Variants in STAG1 observed in about 807,000 individuals in gnomAD.
The protein encoded by STAG1 is cohesin subunit SA-1.
In STAG1, 26 loss-of-function variants were observed where a neutral mutation model predicts 170.9. The ratio of observed to expected loss-of-function variants is 0.15; its 90% CI spans 0.11 to 0.21. The LOEUF (loss-of-function observed/expected upper bound fraction) is 0.21. Ranked by LOEUF, STAG1 falls within the 10% of genes least tolerant of loss-of-function variation. The pLI is 1.00. For synonymous variants in STAG1, 514 were observed against 497.7 expected (o/e 1.03, Z -0.44); for missense variants, 964 against 1,509.5 (o/e 0.64, Z 5.99).
At chr3:136,678,202 A>G (rs1284362114) in intron 1 of STAG1, among the ~76,000 whole-genome samples, 2 of 151,240 alleles carry the variant, frequency 1.3e-5, no homozygotes, top group African/African-American at 4.8e-5. Flanking sequence ...GAGTTTATAT[A>G]TAAGAACAAA....
In STAG1 at chr3:136,338,109, C is replaced by A; in HGVS notation, c.*145G>T. ...TAATTTACATGCTCCTCTTCTGTCA[C>A]TGCAAAAAGGGATTGACCTTAATCA... On this transcript the variant is annotated 3_prime_UTR_variant, in exon 34 of 34. Transcript: ENST00000383202. 1 of 619,684 alleles carries A rather than the reference C, an allele frequency of 1.6e-6. No individual in the cohort carries two copies. The highest frequency in any genetic ancestry group is 2.9e-6 in the Non-Finnish European group (1 of 346,978). 38.4% of individuals were successfully genotyped at this position (619,684 alleles called of 1,614,324 possible). A position where few individuals can be genotyped will look rare whatever the true frequency, so the allele number is the denominator to read the frequency against.
intron 1 of STAG1, among the ~76,000 whole-genome samples, chr3:136,738,191 C>T (rs1276603506): frequency 1.3e-5 from 2 of 152,002 alleles, no homozygotes; most frequent in Non-Finnish European, 2.9e-5. Flanking sequence ...AGACACTGAT[C>T]AAACAGATAC....
intron 1 of STAG1, among the ~76,000 whole-genome samples, chr3:136,747,406 C>T (rs776473813): frequency 6.6e-6 from 1 of 152,172 alleles, no homozygotes; most frequent in Non-Finnish European, 1.5e-5. Context: ...TCCTTAACTT[C>T]GGCCACACAC....
At chr3:136,473,918 G>T (rs2089683685) in intron 10 of STAG1, among the ~76,000 whole-genome samples, 1 of 152,084 alleles carries the variant, frequency 6.6e-6, no homozygotes, top group South Asian at 2.1e-4. Flanking sequence ...TCATCCAGAG[G>T]CACAAAGAGA....
chr3:136,593,665 T>C (rs1328777498), intron 4 of STAG1, among the ~76,000 whole-genome samples: 2 of 152,366 alleles, frequency 1.3e-5, no homozygotes, highest in Middle Eastern at 3.4e-3. Context: ...CTATCTTGTT[T>C]AAACAACTGC....
At position 136,530,309 on chromosome 3, in the gene STAG1, A is replaced by G. The variant is rs188415615; in HGVS notation, c.472-8892T>C. On this transcript the variant is annotated intron_variant, in intron 6 of 33. Coordinates refer to ENST00000383202, the MANE Select transcript of STAG1 (RefSeq NM_005862.3). Reference sequence around the variant, plus strand: ...AACACCTCACTCTCAGCATTCGATCATCTAGACAGAAATTCATTAAAGTAA... The same window carrying G: ...AACACCTCACTCTCAGCATTCGATCGTCTAGACAGAAATTCATTAAAGTAA... Among the ~76,000 whole-genome samples, 26 of 152,316 alleles carry G rather than the reference A, an allele frequency of 1.7e-4. No individual in the cohort carries two copies. The East Asian group carries it at 5.0e-3, about 29-fold the overall frequency.
chr3:136,360,349 T>G (rs1429505780), intron 26 of STAG1, among the ~76,000 whole-genome samples: 1 of 152,166 alleles, frequency 6.6e-6, no homozygotes, highest in African/African-American at 2.4e-5. Flanking sequence ...AACTATTCCT[T>G]CTGTACTAGA....
intron 3 of STAG1, among the ~76,000 whole-genome samples, chr3:136,618,732 T>C (rs1038161600): frequency 3.3e-5 from 5 of 152,290 alleles, no homozygotes; most frequent in African/African-American, 9.6e-5. Flanking sequence ...GATTAGATTA[T>C]GACAACTGGC....
chr3:136,745,600 A>C (rs771567244), intron 1 of STAG1, among the ~76,000 whole-genome samples: 17 of 152,174 alleles, frequency 1.1e-4, no homozygotes, highest in Non-Finnish European at 2.4e-4. Flanking sequence ...CACTGATCTG[A>C]CAGGAGGTGG....
intron 6 of STAG1, among the ~76,000 whole-genome samples, chr3:136,522,506 AC>A (rs1191472355): frequency 6.6e-6 from 1 of 150,922 alleles, no homozygotes; most frequent in Non-Finnish European, 1.5e-5. Context: ...ATATCACAAA[AC>A]CCCACTATAG....
chr3:136,454,916 C>T (rs2089062088), intron 13 of STAG1, among the ~76,000 whole-genome samples: 2 of 152,076 alleles, frequency 1.3e-5, no homozygotes, highest in African/African-American at 4.8e-5. Flanking sequence ...GATCATGGAA[C>T]TCCTGGGGAT....
At chr3:136,503,757 T>TG (rs1933610647) in intron 7 of STAG1, among the ~76,000 whole-genome samples, 1 of 152,116 alleles carries the variant, frequency 6.6e-6, no homozygotes, top group Non-Finnish European at 1.5e-5. Flanking sequence ...TTTTTTGAGT[T>TG]GGAGTTTCGC....
chr3:136,374,456 A>G (rs1937508300), intron 23 of STAG1, among the ~76,000 whole-genome samples: 3 of 152,098 alleles, frequency 2.0e-5, no homozygotes, highest in Admixed American at 6.6e-5. Flanking sequence ...CATCTCTACT[A>G]AAAATACAAA....
chr3:136,708,795 T>C (rs969858982), intron 1 of STAG1, among the ~76,000 whole-genome samples: 5 of 152,044 alleles, frequency 3.3e-5, no homozygotes, highest in African/African-American at 4.8e-5. Flanking sequence ...AAGTTATTTA[T>C]AGTTAAAAGT....
chr3:136,419,166 T>C (rs1394050343), intron 20 of STAG1, among the ~76,000 whole-genome samples: 1 of 152,194 alleles, frequency 6.6e-6, no homozygotes, highest in African/African-American at 2.4e-5. Flanking sequence ...CTACTAAAAA[T>C]AGTCATTCTG....
intron 22 of STAG1, among the ~76,000 whole-genome samples, chr3:136,382,338 C>G (rs17266364): frequency 6.6e-6 from 1 of 151,398 alleles, no homozygotes; most frequent in African/African-American, 2.4e-5. Flanking sequence ...AAGCAATCAA[C>G]TGATGAACTA....
chr3:136,418,928 A>G (rs2087863412), intron 20 of STAG1, among the ~76,000 whole-genome samples: 1 of 152,180 alleles, frequency 6.6e-6, no homozygotes, highest in Non-Finnish European at 1.5e-5. Flanking sequence ...GGTGTGAGCC[A>G]CCGCGTCAGG....
chr3:136,591,562 A>C (rs1938183790), intron 4 of STAG1: 2 of 442,664 alleles, frequency 4.5e-6, no homozygotes, highest in South Asian at 3.2e-5. Context: ...ATTTGAAAAA[A>C]AAAAAAAAAT....
At chr3:136,376,001 T>TAAAC (rs1553796041) in intron 23 of STAG1, among the ~76,000 whole-genome samples, 1 of 121,000 alleles carries the variant, frequency 8.3e-6, no homozygotes, top group African/African-American at 3.3e-5. Flanking sequence ...AATAAATAAA[T>TAAAC]AAATAAATAA....
Sources: allele counts gnomAD v4.1 joint callset (sites outside exome capture counted in the v4.1 genomes callset), GRCh38; gene constraint gnomAD v4.1.1; transcripts MANE v1.5; gene names NCBI Gene and HGNC (gene_info 2026-07-23, HGNC 2026-07-21).